NALF1: variants seen among roughly 807,000 people sequenced by gnomAD.
NALF1 encodes NALCN channel auxiliary factor 1.
A neutral mutation model predicts 48.4 loss-of-function variants in NALF1; 3 were observed. That is an observed-to-expected ratio of 0.06 (90% CI 0.03 to 0.16). The LOEUF is 0.16. NALF1 is among the 10% of genes least tolerant of loss of function. The probability of loss-of-function intolerance (pLI) is 1.00; values close to 1 mark genes in which losing one functional copy is unlikely to be tolerated. For missense variants in NALF1, 526 were observed against 571.5 expected, an observed-to-expected ratio of 0.92 and a Z score of 0.81; for synonymous variants, 262 against 245.7, an observed-to-expected ratio of 1.07 and a Z score of -0.62.
chr13:107,399,455 T>TAC (rs35237023), intron 1 of NALF1, among the ~76,000 whole-genome samples: 2,697 of 150,706 alleles, frequency 0.018, 30 homozygotes, highest in South Asian at 0.033. Context: ...CACATTCACG[T>TAC]ACACACACAC....
intron 1 of NALF1, among the ~76,000 whole-genome samples, chr13:107,293,995 T>C (rs1028378812): frequency 2.0e-5 from 3 of 152,238 alleles, no homozygotes; most frequent in African/African-American, 4.8e-5. Flanking sequence ...CCTTAGACCA[T>C]GTTAGCTACG....
Position 107,451,839 on chromosome 13 carries a change from GATA to G in NALF1, c.916-241087_916-241085del, listed in dbSNP as rs138174864. ...TACTAAGACCAGACTATCAAAGGTCGATAATAACGTTACTGGCCAAACCTAGTG... is the reference window on the plus strand; with the variant it reads ...TACTAAGACCAGACTATCAAAGGTCGATAACGTTACTGGCCAAACCTAGTG... On this transcript the variant is annotated intron_variant, in intron 1 of 2. Transcript: ENST00000375915. 5.6e-3 allele frequency among the ~76,000 whole-genome samples: 857 copies of G among 152,248 alleles called. 6 individuals are homozygous for G. Among genetic ancestry groups the G allele is most frequent in the African/African-American group, 0.019 (808 of 41,526 alleles).
At chr13:107,260,142 C>T (rs908566545) in intron 1 of NALF1, among the ~76,000 whole-genome samples, 1 of 152,168 alleles carries the variant, frequency 6.6e-6, no homozygotes, top group African/African-American at 2.4e-5. Context: ...AAAATGAAGT[C>T]GGGTTGTCAT....
chr13:107,184,964 G>C (rs1390139270), intron 2 of NALF1, among the ~76,000 whole-genome samples: 1 of 152,150 alleles, frequency 6.6e-6, no homozygotes, highest in South Asian at 2.1e-4. Context: ...GTCATTAGGG[G>C]TTCCTTAATC....
intron 1 of NALF1, among the ~76,000 whole-genome samples, chr13:107,241,234 C>T (rs1405454688): frequency 6.6e-6 from 1 of 151,900 alleles, no homozygotes; most frequent in Non-Finnish European, 1.5e-5. Flanking sequence ...TATATATGCA[C>T]ACACTTCCAG....
intron 1 of NALF1, among the ~76,000 whole-genome samples, chr13:107,481,533 C>G (rs1393492093): frequency 6.6e-6 from 1 of 152,122 alleles, no homozygotes; most frequent in Non-Finnish European, 1.5e-5. Flanking sequence ...CTGAACTTGA[C>G]TTTTTATAGT....
intron 1 of NALF1, among the ~76,000 whole-genome samples, chr13:107,748,674 T>C (rs1259408231): frequency 6.6e-6 from 1 of 152,240 alleles, no homozygotes; most frequent in Non-Finnish European, 1.5e-5. Context: ...TCCTCTGGTA[T>C]TTAATGTAAT....
chr13:107,470,837 CAAAAT>C (rs994490144), intron 1 of NALF1, among the ~76,000 whole-genome samples: 9 of 151,776 alleles, frequency 5.9e-5, no homozygotes, highest in Admixed American at 2.6e-4. Context: ...TGTATACACA[CAAAAT>C]AATAATATAA....
In NALF1 at chr13:107,858,672, G is replaced by A. The variant is rs951466366; in HGVS notation, c.915+7010C>T. On this transcript the variant is annotated intron_variant, in intron 1 of 2. Coordinates refer to ENST00000375915, the MANE Select transcript of NALF1 (RefSeq NM_001080396.3). Reference sequence around the variant, plus strand: ...AATGCACTCCAGCCTGGGCAACAGAGTGAGACACTGTCTCAAAATAGATTA... The same window carrying A: ...AATGCACTCCAGCCTGGGCAACAGAATGAGACACTGTCTCAAAATAGATTA... 5.3e-5 allele frequency among the ~76,000 whole-genome samples: 8 copies of A among 152,326 alleles called. No individual in the cohort carries two copies. The South Asian group carries it at 1.7e-3, about 32-fold the overall frequency.
At chr13:107,790,908 T>C (rs1878212032) in intron 1 of NALF1, among the ~76,000 whole-genome samples, 1 of 150,028 alleles carries the variant, frequency 6.7e-6, no homozygotes, top group Non-Finnish European at 1.5e-5. Context: ...TCTTATTCTC[T>C]AAAGAGCTTA....
intron 1 of NALF1, among the ~76,000 whole-genome samples, chr13:107,211,825 T>G (rs1055341943): frequency 6.6e-6 from 1 of 152,216 alleles, no homozygotes; most frequent in African/African-American, 2.4e-5. Flanking sequence ...TAGCTGGTAT[T>G]TATCAACTTT....
intron 1 of NALF1, among the ~76,000 whole-genome samples, chr13:107,826,450 GA>G (rs1278893694): frequency 1.3e-5 from 2 of 152,212 alleles, no homozygotes; most frequent in Non-Finnish European, 1.5e-5. Context: ...AAACAGAAGA[GA>G]GGGGCATGAA....
intron 1 of NALF1, among the ~76,000 whole-genome samples, chr13:107,219,767 G>C (rs1047626456): frequency 6.6e-6 from 1 of 152,030 alleles, no homozygotes; most frequent in Non-Finnish European, 1.5e-5. Context: ...AAACCAAAGA[G>C]AAAGGAACTT....
intron 1 of NALF1, among the ~76,000 whole-genome samples, chr13:107,826,970 A>G (rs1879539440): frequency 6.6e-6 from 1 of 152,162 alleles, no homozygotes; most frequent in Non-Finnish European, 1.5e-5. Context: ...GAAAATTATG[A>G]GAGGAGAGAA....
At chr13:107,336,585 A>G (rs1429279114) in intron 1 of NALF1, among the ~76,000 whole-genome samples, 1 of 152,084 alleles carries the variant, frequency 6.6e-6, no homozygotes, top group African/African-American at 2.4e-5. Flanking sequence ...TATCAGGAAG[A>G]CAAGCTGGGC....
rs1206349109 is a variant in NALF1, at chr13:107,165,665, T to C, written c.*4832A>G. Reference sequence around the variant, plus strand: ...ATTTGTAGCTGTTTGATAGTTCTTATAAATGTCATGAAGACATTGCTTGAA... The same window carrying C: ...ATTTGTAGCTGTTTGATAGTTCTTACAAATGTCATGAAGACATTGCTTGAA... On this transcript the variant is annotated 3_prime_UTR_variant, in exon 3 of 3. Coordinates refer to ENST00000375915, the MANE Select transcript of NALF1 (RefSeq NM_001080396.3). 1 of 152,272 alleles carries C rather than the reference T, an allele frequency of 6.6e-6. No homozygotes were observed. The highest frequency in any genetic ancestry group is 2.4e-5 in the African/African-American group (1 of 41,472). 9.4% of individuals were successfully genotyped at this position (152,272 alleles called of 1,614,324 possible).
At chr13:107,176,872 G>A (rs1878950272) in intron 2 of NALF1, among the ~76,000 whole-genome samples, 1 of 151,554 alleles carries the variant, frequency 6.6e-6, no homozygotes. Context: ...TGCTGCAGAT[G>A]ATATAATTTT....
intron 1 of NALF1, among the ~76,000 whole-genome samples, chr13:107,470,824 T>A (rs570427998): frequency 2.6e-5 from 4 of 152,248 alleles, no homozygotes; most frequent in Non-Finnish European, 4.4e-5. Context: ...ACATGTATAC[T>A]TATGTATACA....
At chr13:107,276,609 T>C (rs569773644) in intron 1 of NALF1, among the ~76,000 whole-genome samples, 8 of 152,194 alleles carry the variant, frequency 5.3e-5, no homozygotes, top group Admixed American at 2.0e-4. Context: ...AAGATATTTA[T>C]ATGCCTGCTG....
Sources: gnomAD v4.1 joint callset for allele counts (sites outside exome capture counted in the v4.1 genomes callset) on GRCh38, gnomAD v4.1.1 for gene constraint, MANE v1.5 for transcripts, NCBI Gene and HGNC (gene_info 2026-07-23, HGNC 2026-07-21) for gene names.